ARHGAP15: variants seen among roughly 807,000 people sequenced by gnomAD.
The protein encoded by ARHGAP15 is Rho GTPase activating protein 15.
In ARHGAP15, 51 loss-of-function variants were observed where a neutral mutation model predicts 63.7. That is an observed-to-expected ratio of 0.80 (90% CI 0.64 to 1.01). The LOEUF (loss-of-function observed/expected upper bound fraction) is 1.01. Among genes scored for constraint, ARHGAP15 ranks in the 50% least tolerant of loss-of-function variants. The pLI, the probability that ARHGAP15 is intolerant of heterozygous loss-of-function variation, is 0.00. For missense variants in ARHGAP15, 560 were observed against 564.6 expected, an observed-to-expected ratio of 0.99 and a Z score of 0.08; for synonymous variants, 191 against 193.8, an observed-to-expected ratio of 0.99 and a Z score of 0.12.
chr2:143,231,065 A>AT (rs1177469219), intron 5 of ARHGAP15, among the ~76,000 whole-genome samples: 40 of 115,840 alleles, frequency 3.5e-4, no homozygotes, highest in Admixed American at 1.9e-3. Context: ...AGGGGATGTA[A>AT]TTCCTTTTTT....
chr2:143,741,551 T>C (rs1685964829), intron 13 of ARHGAP15, among the ~76,000 whole-genome samples: 1 of 152,252 alleles, frequency 6.6e-6, no homozygotes, highest in African/African-American at 2.4e-5. Flanking sequence ...TAATATTTTA[T>C]CTTTGAGCTT....
At chr2:143,468,926 C>T (rs1691382088) in intron 8 of ARHGAP15, among the ~76,000 whole-genome samples, 1 of 152,088 alleles carries the variant, frequency 6.6e-6, no homozygotes, top group South Asian at 2.1e-4. Flanking sequence ...AACTTCTCTG[C>T]CCAGACCAAA....
At chr2:143,395,107 A>C (rs916482296) in intron 6 of ARHGAP15, among the ~76,000 whole-genome samples, 9 of 152,196 alleles carry the variant, frequency 5.9e-5, no homozygotes, top group African/African-American at 1.9e-4. Context: ...ATAAAACGTG[A>C]ATAATATAAT....
intron 6 of ARHGAP15, among the ~76,000 whole-genome samples, chr2:143,360,583 G>A (rs1438228796): frequency 6.6e-6 from 1 of 152,022 alleles, no homozygotes; most frequent in Non-Finnish European, 1.5e-5. Flanking sequence ...CTTGAAAACA[G>A]GAAACCTGAG....
In ARHGAP15 at chr2:143,762,087, C is replaced by T. The variant is rs1686781215; in HGVS notation, c.1245-5902C>T. 2.0e-5 allele frequency among the ~76,000 whole-genome samples: 3 copies of T among 152,010 alleles called. No homozygotes were observed. In the South Asian group the frequency reaches 6.2e-4, roughly 32 times the overall value. On this transcript the variant is annotated intron_variant, in intron 13 of 13. Coordinates refer to ENST00000295095, the MANE Select transcript of ARHGAP15 (RefSeq NM_018460.4). ...TTTTTCAAGAATTGCAGTTTGGGGC[C>T]TTTTTTTCTGTTAGTTAAGCATTCA...
At chr2:143,245,218 C>A (rs772829406) in intron 5 of ARHGAP15, among the ~76,000 whole-genome samples, 2 of 152,020 alleles carry the variant, frequency 1.3e-5, no homozygotes, top group Admixed American at 6.6e-5. Flanking sequence ...GGGCCTAGAA[C>A]GCTAAACCTG....
chr2:143,140,966 G>T (rs927492271), intron 1 of ARHGAP15, among the ~76,000 whole-genome samples: 1 of 152,148 alleles, frequency 6.6e-6, no homozygotes, highest in African/African-American at 2.4e-5. Context: ...TTAGCAAGTG[G>T]GCAGTAGGTT....
At position 143,139,480 on chromosome 2, in the gene ARHGAP15, C is replaced by T. The variant is rs74923328; in HGVS notation, c.-15+10014C>T. On this transcript the variant is annotated intron_variant, in intron 1 of 13. Coordinates refer to ENST00000295095, the MANE Select transcript of ARHGAP15 (RefSeq NM_018460.4). ...TTTCTCTTGCCTCTTTATTTTGCTT[C>T]TTATAAATGTATTTTAAGGCTTTAG... 3.7e-3 allele frequency among the ~76,000 whole-genome samples: 565 copies of T among 152,164 alleles called. 1 individual carries two copies. Among genetic ancestry groups the T allele is most frequent in the Admixed American group, 7.3e-3 (111 of 15,274 alleles).
intron 6 of ARHGAP15, among the ~76,000 whole-genome samples, chr2:143,335,618 T>C (rs778285017): frequency 1.3e-5 from 2 of 152,212 alleles, no homozygotes; most frequent in African/African-American, 4.8e-5. Context: ...TATATACTTA[T>C]GCCAAGCAAT....
intron 6 of ARHGAP15, among the ~76,000 whole-genome samples, chr2:143,391,807 C>CT (rs1687548644): frequency 6.6e-6 from 1 of 152,098 alleles, no homozygotes; most frequent in Admixed American, 6.6e-5. Context: ...TGTATATTTC[C>CT]TTTTTCTTTT....
In ARHGAP15 at chr2:143,369,694, A is replaced by G. The variant is rs528746155; in HGVS notation, c.475-65907A>G. 2.0e-5 allele frequency among the ~76,000 whole-genome samples: 3 copies of G among 152,282 alleles called. No homozygotes were observed. In the South Asian group the frequency reaches 6.2e-4, roughly 32 times the overall value. On this transcript the variant is annotated intron_variant, in intron 6 of 13. Coordinates refer to ENST00000295095, the MANE Select transcript of ARHGAP15 (RefSeq NM_018460.4). ...ATAATATACTATCTATTTAAGCTAT[A>G]TAATCCATTGTTATATACTGAGACC...
intron 13 of ARHGAP15, among the ~76,000 whole-genome samples, chr2:143,758,100 A>G (rs548149975): frequency 6.6e-5 from 10 of 152,182 alleles, no homozygotes; most frequent in African/African-American, 2.4e-4. Flanking sequence ...AAATTAAGGT[A>G]TTTCCATACT....
At chr2:143,726,324 G>C (rs540786320) in intron 13 of ARHGAP15, among the ~76,000 whole-genome samples, 1 of 152,106 alleles carries the variant, frequency 6.6e-6, no homozygotes, top group South Asian at 2.1e-4. Context: ...CTACTTTAAG[G>C]CATTTGCCAA....
chr2:143,360,804 G>T (rs1039038294), intron 6 of ARHGAP15, among the ~76,000 whole-genome samples: 4 of 152,148 alleles, frequency 2.6e-5, no homozygotes, highest in Non-Finnish European at 4.4e-5. Flanking sequence ...AGCAACACAT[G>T]CTTAATTATC....
At chr2:143,509,803 A>C (rs1259187820) in intron 9 of ARHGAP15, among the ~76,000 whole-genome samples, 1 of 152,132 alleles carries the variant, frequency 6.6e-6, no homozygotes, top group Admixed American at 6.5e-5. Flanking sequence ...CAGGCGGATC[A>C]CGAGCTCGGG....
intron 6 of ARHGAP15, among the ~76,000 whole-genome samples, chr2:143,271,455 T>A (rs920823721): frequency 2.6e-5 from 4 of 152,242 alleles, no homozygotes; most frequent in African/African-American, 9.6e-5. Context: ...CAGGTTGATA[T>A]ATGGTTGTTG....
chr2:143,330,142 A>T (rs1558898139), intron 6 of ARHGAP15, among the ~76,000 whole-genome samples: 3 of 143,578 alleles, frequency 2.1e-5, no homozygotes, highest in African/African-American at 2.5e-5. Context: ...CCAAAAACAA[A>T]AAACTAAACT....
chr2:143,141,808 G>A (rs1689377734), intron 1 of ARHGAP15, among the ~76,000 whole-genome samples: 1 of 152,038 alleles, frequency 6.6e-6, no homozygotes, highest in African/African-American at 2.4e-5. Flanking sequence ...TGACTTAATA[G>A]GCAGCACAAT....
intron 13 of ARHGAP15, among the ~76,000 whole-genome samples, chr2:143,744,980 T>G (rs1022550830): frequency 2.4e-4 from 36 of 152,212 alleles, no homozygotes; most frequent in Non-Finnish European, 4.4e-4. Context: ...TTACATAGAT[T>G]TCTCTAAAAT....
Sources: gnomAD v4.1 joint callset for allele counts (sites outside exome capture counted in the v4.1 genomes callset) on GRCh38, gnomAD v4.1.1 for gene constraint, MANE v1.5 for transcripts, NCBI Gene and HGNC (gene_info 2026-07-23, HGNC 2026-07-21) for gene names.